Variants in CPEB3 observed in about 807,000 individuals in gnomAD.
CPEB3 encodes cytoplasmic polyadenylation element binding protein 3.
In CPEB3, 20 loss-of-function variants were observed where a neutral mutation model predicts 67.2. The ratio of observed to expected loss-of-function variants is 0.30; its 90% CI spans 0.21 to 0.43. CPEB3 has a LOEUF of 0.43. CPEB3 is among the 20% of genes least tolerant of loss of function. CPEB3 has a pLI of 1.00. For synonymous variants in CPEB3, 376 were observed against 393.1 expected (o/e 0.96, Z 0.51); for missense variants, 746 against 968.6 (o/e 0.77, Z 3.05).
intron 9 of CPEB3, among the ~76,000 whole-genome samples, chr10:92,069,246 C>A (rs572290937): frequency 4.6e-5 from 7 of 151,904 alleles, no homozygotes; most frequent in Non-Finnish European, 7.4e-5. Flanking sequence ...CTAGTAAATG[C>A]CCAACATGTG....
chr10:92,189,178 A>G (rs1848839904), intron 3 of CPEB3, among the ~76,000 whole-genome samples: 1 of 152,222 alleles, frequency 6.6e-6, no homozygotes, highest in African/African-American at 2.4e-5. Context: ...TATTTTTTAC[A>G]TCATTCAGAT....
chr10:92,089,887 T>A (rs1411541462), intron 8 of CPEB3, among the ~76,000 whole-genome samples: 1 of 152,212 alleles, frequency 6.6e-6, no homozygotes, highest in Non-Finnish European at 1.5e-5. Context: ...TCTTGTTTAA[T>A]CCTAGAATTT....
chr10:92,151,828 A>C (rs1002591852), intron 4 of CPEB3, among the ~76,000 whole-genome samples: 1 of 152,068 alleles, frequency 6.6e-6, no homozygotes, highest in African/African-American at 2.4e-5. Flanking sequence ...ACTACTGTTG[A>C]TCCCATTCTC....
At chr10:92,227,337 T>G (rs148488851) in intron 2 of CPEB3, among the ~76,000 whole-genome samples, 107 of 152,362 alleles carry the variant, frequency 7.0e-4, no homozygotes, top group Middle Eastern at 6.8e-3. Flanking sequence ...TGGTCCCCTA[T>G]ATTTGTGTTA....
intron 4 of CPEB3, among the ~76,000 whole-genome samples, chr10:92,158,717 G>C (rs967030729): frequency 6.6e-6 from 1 of 152,124 alleles, no homozygotes; most frequent in African/African-American, 2.4e-5. Flanking sequence ...AACTGCAAAA[G>C]TAAAATGAGA....
At chr10:92,120,086 C>T (rs1845267779) in intron 6 of CPEB3, among the ~76,000 whole-genome samples, 1 of 47,620 alleles carries the variant, frequency 2.1e-5, no homozygotes, top group Non-Finnish European at 3.6e-5. Context: ...AACCCTGTCT[C>T]TACTAAAAAT....
chr10:92,222,051 C>G (rs1850726964), intron 2 of CPEB3, among the ~76,000 whole-genome samples: 1 of 152,116 alleles, frequency 6.6e-6, no homozygotes, highest in African/African-American at 2.4e-5. Context: ...ACCTGACTTT[C>G]CAGATTAATC....
intron 4 of CPEB3, among the ~76,000 whole-genome samples, chr10:92,160,883 G>A (rs1239263303): frequency 6.6e-6 from 1 of 152,140 alleles, no homozygotes; most frequent in Non-Finnish European, 1.5e-5. Flanking sequence ...AGACCTACCT[G>A]GGAGTTTTGT....
At chr10:92,279,968 G>A (rs1019755313) in intron 1 of CPEB3, among the ~76,000 whole-genome samples, 2 of 152,066 alleles carry the variant, frequency 1.3e-5, no homozygotes, top group Non-Finnish European at 2.9e-5. Flanking sequence ...CTAAGATCAT[G>A]CCACTGCACT....
chr10:92,180,630 G>A (rs1054872252), intron 4 of CPEB3, among the ~76,000 whole-genome samples: 1 of 152,156 alleles, frequency 6.6e-6, no homozygotes, highest in African/African-American at 2.4e-5. Context: ...AGCTTGCAGA[G>A]CTATAGTTTG....
chr10:92,291,200 C>T, upstream of CPEB3: 1 of 511,028 alleles, frequency 2.0e-6, no homozygotes. Context: ...CCGGCAGCAA[C>T]TCGGCGCCCG....
intron 1 of CPEB3, among the ~76,000 whole-genome samples, chr10:92,280,451 C>T (rs909081551): frequency 2.7e-5 from 4 of 149,394 alleles, no homozygotes; most frequent in African/African-American, 4.9e-5. Flanking sequence ...CCAGGCATAG[C>T]GACTCATGCC....
rs1175529300 is a variant in CPEB3, at chr10:92,081,600, A to C, written c.1688-99T>G. The C allele has an allele frequency of 8.4e-6, 9 of 1,070,320 alleles. No homozygotes were observed. In the Admixed American group the frequency reaches 2.1e-4, roughly 25 times the overall value. The allele number at this position is 1,070,320 out of a possible 1,614,324, so 66.3% of individuals were successfully genotyped here. On this transcript the variant is annotated intron_variant, in intron 8 of 9. Coordinates refer to ENST00000265997, the MANE Select transcript of CPEB3 (RefSeq NM_014912.5). ...ATTTAGAGATCATGCAATGTAATTA[A>C]GAAAAGGAAAACCCATGTTAAGTAT...
Position 92,160,506 on chromosome 10 carries a change from GTC to G in CPEB3, c.1223-15423_1223-15422del, listed in dbSNP as rs527739776. Among the ~76,000 whole-genome samples the G allele has an allele frequency of 8.5e-5, 13 of 152,170 alleles. No homozygotes were observed. The East Asian group carries it at 2.3e-3, about 27-fold the overall frequency. On this transcript the variant is annotated intron_variant, in intron 4 of 9. Coordinates refer to ENST00000265997, the MANE Select transcript of CPEB3 (RefSeq NM_014912.5). The stretch of plus-strand genomic sequence containing the variant: ...AATAAATTTTGACATCCTATCACTT[GTC>G]TCTTTGTCCCTTCTTCCCATCCCCA...
intron 7 of CPEB3, among the ~76,000 whole-genome samples, chr10:92,105,477 C>T (rs1844399046): frequency 6.6e-6 from 1 of 152,128 alleles, no homozygotes; most frequent in African/African-American, 2.4e-5. Flanking sequence ...AATTTTTATT[C>T]CCTATACTTC....
At chr10:92,180,281 C>G (rs1380907021) in intron 4 of CPEB3, among the ~76,000 whole-genome samples, 1 of 152,164 alleles carries the variant, frequency 6.6e-6, no homozygotes, top group African/African-American at 2.4e-5. Context: ...GACATATATA[C>G]CATGCAAATT....
chr10:92,235,607 A>G (rs1299750561), intron 2 of CPEB3, among the ~76,000 whole-genome samples: 5 of 152,258 alleles, frequency 3.3e-5, no homozygotes, highest in Non-Finnish European at 7.3e-5. Context: ...TAACTCATAC[A>G]AGGCCAAAAA....
intron 4 of CPEB3, among the ~76,000 whole-genome samples, chr10:92,169,800 A>G (rs1258184418): frequency 6.6e-6 from 1 of 151,354 alleles, no homozygotes; most frequent in African/African-American, 2.4e-5. Context: ...TTTTTTATTC[A>G]CTCTTTTTAG....
At chr10:92,195,044 AAAACACACACACAC>A (rs975851656) in intron 2 of CPEB3, among the ~76,000 whole-genome samples, 2 of 74,628 alleles carry the variant, frequency 2.7e-5, no homozygotes, top group Non-Finnish European at 6.1e-5. Context: ...ACTGTCTCAA[AAAACACACACACAC>A]ACACACACAC....
Sources: gnomAD v4.1 joint callset for allele counts (sites outside exome capture counted in the v4.1 genomes callset) on GRCh38, gnomAD v4.1.1 for gene constraint, MANE v1.5 for transcripts, NCBI Gene and HGNC (gene_info 2026-07-23, HGNC 2026-07-21) for gene names.